The following UBE3C variants were observed in gnomAD, a reference collection of about 807,000 sequenced individuals.
The protein encoded by UBE3C is ubiquitin protein ligase E3C.
UBE3C carries 42 observed loss-of-function variants against 129.4 expected under a neutral mutation model. The ratio of observed to expected loss-of-function variants is 0.32; its 90% CI spans 0.25 to 0.42. The LOEUF (loss-of-function observed/expected upper bound fraction) is 0.42. Among genes scored for constraint, UBE3C ranks in the 10% least tolerant of loss-of-function variants. UBE3C has a pLI of 1.00. For synonymous variants in UBE3C, 510 were observed against 492.4 expected (o/e 1.04, Z -0.47); for missense variants, 1,049 against 1,319.1 (o/e 0.80, Z 3.17).
intron 13 of UBE3C, among the ~76,000 whole-genome samples, chr7:157,209,359 T>C (rs191153361): frequency 2.4e-4 from 37 of 152,340 alleles, no homozygotes; most frequent in Middle Eastern, 3.4e-3. Context: ...TTTGGGCAGA[T>C]TGATGTAATA....
At chr7:157,251,591 G>A (rs1467243310) in intron 19 of UBE3C, among the ~76,000 whole-genome samples, 3 of 152,184 alleles carry the variant, frequency 2.0e-5, no homozygotes, top group Non-Finnish European at 4.4e-5. Flanking sequence ...GTCATGTATG[G>A]TGGTGTCTTG....
In UBE3C at chr7:157,261,466, A is replaced by G. The variant is rs561681473; in HGVS notation, c.3081+4422A>G. ...CTTACTGTTTTTTTTATTTTTCTCA[A>G]TGTTCTAACATATGTGAAATTTAAT... On this transcript the variant is annotated intron_variant, in intron 22 of 22. Transcript: ENST00000348165. Among the ~76,000 whole-genome samples the G allele has an allele frequency of 4.2e-4, 62 of 148,082 alleles. 1 individual carries two copies. The South Asian group carries it at 5.7e-3, about 14-fold the overall frequency.
intron 14 of UBE3C, among the ~76,000 whole-genome samples, chr7:157,219,899 T>C (rs553811832): frequency 1.6e-4 from 23 of 141,072 alleles, no homozygotes; most frequent in Admixed American, 4.1e-4. Flanking sequence ...TGAGACTCCA[T>C]CTAAAAAAAA....
At chr7:157,208,406 T>C (rs1204172206) in intron 13 of UBE3C, among the ~76,000 whole-genome samples, 1 of 152,174 alleles carries the variant, frequency 6.6e-6, no homozygotes, top group African/African-American at 2.4e-5. Flanking sequence ...AAAAGTAATT[T>C]TAGTACTTTT....
intron 1 of UBE3C, among the ~76,000 whole-genome samples, chr7:157,145,668 G>C (rs969191699): frequency 7.2e-5 from 11 of 152,174 alleles, no homozygotes; most frequent in African/African-American, 1.7e-4. Context: ...AATCTTTTCA[G>C]ATTGGTTTCT....
intron 10 of UBE3C, chr7:157,198,468 C>G (rs1809185491): frequency 2.1e-6 from 1 of 472,654 alleles, no homozygotes; most frequent in East Asian, 4.4e-5. Flanking sequence ...CCTGGAAGAT[C>G]TCCTCTCCTG....
chr7:157,195,854 CA>C (rs1809105084), intron 10 of UBE3C, among the ~76,000 whole-genome samples: 1 of 152,134 alleles, frequency 6.6e-6, no homozygotes, highest in African/African-American at 2.4e-5. Flanking sequence ...TCTTTTAACA[CA>C]GGGGTGGAGT....
chr7:157,260,877 C>T (rs752804602), intron 22 of UBE3C, among the ~76,000 whole-genome samples: 2 of 152,184 alleles, frequency 1.3e-5, no homozygotes, highest in Non-Finnish European at 2.9e-5. Context: ...CCAGCAATAA[C>T]GTGTGCCTAG....
At chr7:157,217,157 A>G (rs1795604230) in intron 14 of UBE3C, 186 bp downstream of exon 14, 2 of 465,304 alleles carry the variant, frequency 4.3e-6, no homozygotes. Flanking sequence ...AGTATCATTG[A>G]CTTAAAATGA....
In UBE3C at chr7:157,172,733, G is replaced by C. The variant is rs75583197; in HGVS notation, c.343-2186G>C. Among the ~76,000 whole-genome samples, 509 of 152,240 alleles carry C rather than the reference G, an allele frequency of 3.3e-3. 2 individuals are homozygous for C. Among genetic ancestry groups the C allele is most frequent in the African/African-American group, 0.011 (474 of 41,546 alleles). The stretch of plus-strand genomic sequence containing the variant: ...AAAAAAAGAATCAGAATAGTACAAC[G>C]GCAGATAATCGGGCTTGCTTTCTGG... On this transcript the variant is annotated intron_variant, in intron 4 of 22. Transcript: ENST00000348165.
At chr7:157,201,868 A>G in intron 11 of UBE3C, 61 bp downstream of exon 11, 8 of 1,427,112 alleles carry the variant, frequency 5.6e-6, no homozygotes, top group Non-Finnish European at 6.8e-6. Context: ...AGCCTAATCA[A>G]AAATGTTGCC....
intron 12 of UBE3C, 24 bp downstream of exon 12, chr7:157,207,579 T>G (rs1809468584): frequency 6.2e-7 from 1 of 1,605,136 alleles, no homozygotes; most frequent in Non-Finnish European, 8.5e-7. Flanking sequence ...GAAACCAGTT[T>G]GCTGCTGGCC....
intron 17 of UBE3C, 115 bp downstream of exon 17, chr7:157,225,654 A>T: frequency 8.1e-7 from 1 of 1,239,104 alleles, no homozygotes; most frequent in Non-Finnish European, 1.1e-6. Context: ...ATGACTTAAA[A>T]ACTGAAATGT....
intron 8 of UBE3C, 63 bp downstream of exon 8, chr7:157,182,391 A>C: frequency 1.3e-6 from 2 of 1,525,654 alleles, no homozygotes; most frequent in Non-Finnish European, 1.8e-6. Flanking sequence ...AGATGAGTCA[A>C]GAGAAGGCCA....
At chr7:157,224,287 C>T (rs984325388) in intron 16 of UBE3C, among the ~76,000 whole-genome samples, 22 of 152,018 alleles carry the variant, frequency 1.4e-4, no homozygotes, top group South Asian at 4.1e-4. Flanking sequence ...CTCCGCCTCC[C>T]GGATTCAAGC....
intron 17 of UBE3C, among the ~76,000 whole-genome samples, chr7:157,228,142 T>C (rs1795929173): frequency 1.3e-5 from 2 of 152,236 alleles, no homozygotes; most frequent in African/African-American, 4.8e-5. Flanking sequence ...TTTACGATGC[T>C]CGTTGTCTTA....
At chr7:157,247,607 G>A (rs992516446) in intron 18 of UBE3C, among the ~76,000 whole-genome samples, 7 of 152,090 alleles carry the variant, frequency 4.6e-5, no homozygotes, top group Admixed American at 2.0e-4. Flanking sequence ...CAGGAGAATC[G>A]CTTGAACCTG....
chr7:157,263,880 T>G (rs1796991513), intron 22 of UBE3C, among the ~76,000 whole-genome samples: 1 of 152,056 alleles, frequency 6.6e-6, no homozygotes, highest in Non-Finnish European at 1.5e-5. Flanking sequence ...GTTTCCTTCC[T>G]TTAATTAGTA....
intron 11 of UBE3C, among the ~76,000 whole-genome samples, chr7:157,202,664 GAAAA>G (rs939943092): frequency 5.3e-5 from 8 of 151,868 alleles, no homozygotes; most frequent in African/African-American, 4.8e-5. Flanking sequence ...CAAAAAAAAA[GAAAA>G]AAAGAAGTCT....
Sources: gnomAD v4.1 joint callset for allele counts (sites outside exome capture counted in the v4.1 genomes callset) on GRCh38, gnomAD v4.1.1 for gene constraint, MANE v1.5 for transcripts, NCBI Gene and HGNC (gene_info 2026-07-23, HGNC 2026-07-21) for gene names.